Variants in NCAM2 observed in about 807,000 individuals in gnomAD.
NCAM2 encodes N-CAM-2.
Under a neutral mutation model 98.1 loss-of-function variants are expected in NCAM2, and 30 were observed. The ratio of observed to expected loss-of-function variants is 0.31; its 90% CI spans 0.23 to 0.41. The LOEUF is 0.41. Among genes scored for constraint, NCAM2 ranks in the 10% least tolerant of loss-of-function variants. The probability of loss-of-function intolerance (pLI) is 1.00; values close to 1 mark genes in which losing one functional copy is unlikely to be tolerated. For missense variants in NCAM2, 867 were observed against 1,005.8 expected, an observed-to-expected ratio of 0.86 and a Z score of 1.87; for synonymous variants, 368 against 342.4, an observed-to-expected ratio of 1.07 and a Z score of -0.83.
intron 15 of NCAM2, among the ~76,000 whole-genome samples, chr21:21,501,231 A>T (rs751209545): frequency 1.9e-4 from 29 of 152,050 alleles, no homozygotes; most frequent in Non-Finnish European, 4.0e-4. Context: ...TAACACAACA[A>T]GAAGCGTTGT....
chr21:21,038,895 T>G (rs964597400), intron 1 of NCAM2, among the ~76,000 whole-genome samples: 9 of 152,180 alleles, frequency 5.9e-5, no homozygotes, highest in African/African-American at 2.2e-4. Context: ...ACCTCTTTCT[T>G]CTACAGGAAG....
intron 1 of NCAM2, among the ~76,000 whole-genome samples, chr21:21,158,239 A>G (rs1299661950): frequency 6.6e-6 from 1 of 152,196 alleles, no homozygotes; most frequent in Non-Finnish European, 1.5e-5. Context: ...TATATTTTAA[A>G]ATAGCACATT....
chr21:21,046,497 T>C (rs2065009779), intron 1 of NCAM2, among the ~76,000 whole-genome samples: 1 of 152,208 alleles, frequency 6.6e-6, no homozygotes, highest in Non-Finnish European at 1.5e-5. Flanking sequence ...ATATAACATT[T>C]GTTTTTCTTT....
In NCAM2 at chr21:21,029,195, T is replaced by A. The variant is rs142053703; in HGVS notation, c.55+30577T>A. Among the ~76,000 whole-genome samples the A allele has an allele frequency of 4.9e-3, 752 of 152,356 alleles. 2 individuals are homozygous for A. Among genetic ancestry groups the A allele is most frequent in the African/African-American group, 0.018 (730 of 41,590 alleles). On this transcript the variant is annotated intron_variant, in intron 1 of 17. Coordinates refer to ENST00000400546, the MANE Select transcript of NCAM2 (RefSeq NM_004540.5). ...TACACAAATATTTACAATGATCTTC[T>A]TTCTTCTTCTGTTTGACTTCCTACA...
intron 1 of NCAM2, among the ~76,000 whole-genome samples, chr21:21,000,782 G>A (rs2064006779): frequency 6.6e-6 from 1 of 152,192 alleles, no homozygotes; most frequent in Non-Finnish European, 1.5e-5. Flanking sequence ...TGAAGTCAGA[G>A]ATGCTTGGAT....
intron 9 of NCAM2, among the ~76,000 whole-genome samples, chr21:21,399,540 C>T (rs2076584256): frequency 6.6e-6 from 1 of 152,046 alleles, no homozygotes; most frequent in African/African-American, 2.4e-5. Flanking sequence ...AGGATGATGC[C>T]TATTCTTATT....
chr21:21,072,079 A>G (rs994133216), intron 1 of NCAM2, among the ~76,000 whole-genome samples: 1 of 151,854 alleles, frequency 6.6e-6, no homozygotes, highest in Non-Finnish European at 1.5e-5. Flanking sequence ...CGCCTGGCTA[A>G]TTTTTTGTAT....
At chr21:21,469,542 C>T (rs569162861) in intron 14 of NCAM2, among the ~76,000 whole-genome samples, 79 of 151,964 alleles carry the variant, frequency 5.2e-4, no homozygotes, top group Middle Eastern at 6.8e-3. Flanking sequence ...ATACAACATG[C>T]GTTTTATGCT....
intron 1 of NCAM2, chr21:21,210,660 A>C (rs769035699): frequency 9.4e-6 from 12 of 1,279,586 alleles, no homozygotes; most frequent in Non-Finnish European, 1.2e-5. Flanking sequence ...TTTATCTTGA[A>C]GAAGGGCAAC....
intron 8 of NCAM2, among the ~76,000 whole-genome samples, chr21:21,357,109 T>C (rs2075511745): frequency 6.6e-6 from 1 of 152,194 alleles, no homozygotes; most frequent in East Asian, 1.9e-4. Context: ...TTTTTATGAA[T>C]ATACACTTTT....
At chr21:21,463,082 A>G (rs1422378933) in intron 12 of NCAM2, among the ~76,000 whole-genome samples, 1 of 152,068 alleles carries the variant, frequency 6.6e-6, no homozygotes, top group Non-Finnish European at 1.5e-5. Context: ...TATCTTCATA[A>G]TTTGAGGTAC....
At chr21:21,390,322 G>C (rs936288036) in intron 9 of NCAM2, among the ~76,000 whole-genome samples, 2 of 152,064 alleles carry the variant, frequency 1.3e-5, no homozygotes, top group African/African-American at 4.8e-5. Flanking sequence ...ATATTAGACA[G>C]CACTAATATA....
chr21:21,270,649 A>AAATG (rs1392208587), intron 1 of NCAM2, among the ~76,000 whole-genome samples: 2 of 152,224 alleles, frequency 1.3e-5, no homozygotes, highest in Non-Finnish European at 2.9e-5. Context: ...TTAGGAAAAT[A>AAATG]ATCATTTCCC....
chr21:21,479,561 G>C (rs1051175544), intron 15 of NCAM2, among the ~76,000 whole-genome samples: 3 of 94,034 alleles, frequency 3.2e-5, no homozygotes, highest in East Asian at 2.3e-4. Flanking sequence ...TCCAGCCTGG[G>C]AGACAGAGCG....
intron 8 of NCAM2, among the ~76,000 whole-genome samples, chr21:21,355,938 C>T (rs987662640): frequency 1.3e-5 from 2 of 152,062 alleles, no homozygotes; most frequent in Non-Finnish European, 2.9e-5. Flanking sequence ...GGGATAGTCA[C>T]CTTTAACAAT....
chr21:21,530,337 A>G (rs1051563378), intron 16 of NCAM2, among the ~76,000 whole-genome samples: 5 of 23,610 alleles, frequency 2.1e-4, no homozygotes, highest in African/African-American at 8.2e-4. Context: ...ATTAAATTAT[A>G]CATAATTAAA....
At position 21,052,150 on chromosome 21, in the gene NCAM2, A is replaced by ATTTTTTTTTTTTTTTTTTTT. The variant is rs5842877; in HGVS notation, c.55+53538_55+53557dup. Among the ~76,000 whole-genome samples the ATTTTTTTTTTTTTTTTTTTT allele has an allele frequency of 2.0e-4, 15 of 74,806 alleles. 3 individuals carry two copies. The highest frequency in any genetic ancestry group is 7.0e-4 in the African/African-American group (12 of 17,170). 49.1% of individuals were successfully genotyped at this position (74,806 alleles called of 152,430 possible). On this transcript the variant is annotated intron_variant, in intron 1 of 17. Transcript: ENST00000400546. ...ATGAGAACTCAAACTCATGATGGCC[A>ATTTTTTTTTTTTTTTTTTTT]TTTTTTTTTTTTTTTTTTTTTTTTT...
chr21:21,044,826 A>G (rs1438016496), intron 1 of NCAM2, among the ~76,000 whole-genome samples: 1 of 152,000 alleles, frequency 6.6e-6, no homozygotes, highest in Non-Finnish European at 1.5e-5. Flanking sequence ...TTTGTTGGGC[A>G]TGGTGGCGTG....
chr21:21,116,014 A>G (rs908435390), intron 1 of NCAM2, among the ~76,000 whole-genome samples: 1 of 42,534 alleles, frequency 2.4e-5, no homozygotes, highest in African/African-American at 9.0e-5. Flanking sequence ...TCATGCTGAG[A>G]TTGTGTGTGT....
Sources: gnomAD v4.1 joint callset for allele counts (sites outside exome capture counted in the v4.1 genomes callset) on GRCh38, gnomAD v4.1.1 for gene constraint, MANE v1.5 for transcripts, NCBI Gene and HGNC (gene_info 2026-07-23, HGNC 2026-07-21) for gene names.